The following LRMDA variants were observed in gnomAD, a reference collection of about 807,000 sequenced individuals.
LRMDA encodes leucine rich melanocyte differentiation associated.
A neutral mutation model predicts 29.8 loss-of-function variants in LRMDA; 18 were observed. The ratio of observed to expected loss-of-function variants is 0.60; its 90% CI spans 0.42 to 0.90. The LOEUF is 0.90. LRMDA is among the 40% of genes least tolerant of loss of function. LRMDA has a pLI of 0.00. For synonymous variants in LRMDA, 125 were observed against 109.4 expected, an observed-to-expected ratio of 1.14 and a Z score of -0.89; for missense variants, 273 against 273.9, an observed-to-expected ratio of 1.00 and a Z score of 0.02.
At chr10:75,969,080 G>A (rs996020069) in intron 2 of LRMDA, among the ~76,000 whole-genome samples, 4 of 152,150 alleles carry the variant, frequency 2.6e-5, no homozygotes, top group African/African-American at 9.7e-5. Context: ...GCCACTGTTG[G>A]CTGTTGCAAG....
intron 2 of LRMDA, among the ~76,000 whole-genome samples, chr10:75,874,621 C>T (rs1293046918): frequency 6.6e-6 from 1 of 152,110 alleles, no homozygotes; most frequent in African/African-American, 2.4e-5. Context: ...TAATAAAAGG[C>T]AGAATTAAGT....
chr10:76,105,858 T>C (rs1849471977), intron 5 of LRMDA, among the ~76,000 whole-genome samples: 1 of 152,230 alleles, frequency 6.6e-6, no homozygotes, highest in Non-Finnish European at 1.5e-5. Context: ...GCAATTCTCC[T>C]GTCTCAGCCT....
chr10:75,441,210 A>T (rs1180930353), intron 2 of LRMDA, among the ~76,000 whole-genome samples: 1 of 152,134 alleles, frequency 6.6e-6, no homozygotes, highest in East Asian at 1.9e-4. Context: ...GTAAATCCAC[A>T]TCCCATGTTC....
At chr10:76,206,146 C>T (rs1182743076) in intron 5 of LRMDA, among the ~76,000 whole-genome samples, 1 of 152,156 alleles carries the variant, frequency 6.6e-6, no homozygotes, top group Non-Finnish European at 1.5e-5. Flanking sequence ...GTTTAACCTC[C>T]AGGAGCTGAA....
chr10:75,916,234 C>T (rs1262073258), intron 2 of LRMDA, among the ~76,000 whole-genome samples: 5 of 151,528 alleles, frequency 3.3e-5, no homozygotes, highest in Non-Finnish European at 5.9e-5. Context: ...CACCATAGCC[C>T]GTGAGCCTTC....
At chr10:76,012,145 A>C (rs935046107) in intron 2 of LRMDA, among the ~76,000 whole-genome samples, 1 of 152,214 alleles carries the variant, frequency 6.6e-6, no homozygotes, top group Non-Finnish European at 1.5e-5. Context: ...GCAGTTAAGT[A>C]AAGTCCTGCT....
At chr10:76,405,681 G>A (rs1261781128) in intron 6 of LRMDA, among the ~76,000 whole-genome samples, 1 of 152,176 alleles carries the variant, frequency 6.6e-6, no homozygotes, top group Non-Finnish European at 1.5e-5. Flanking sequence ...TCTAAATAGG[G>A]AAGAAAGAGC....
At chr10:76,289,929 T>G (rs1274002425) in intron 5 of LRMDA, among the ~76,000 whole-genome samples, 1 of 152,194 alleles carries the variant, frequency 6.6e-6, no homozygotes, top group Non-Finnish European at 1.5e-5. Context: ...CTGTTGATTC[T>G]GAGAGAAGAA....
Position 76,162,419 on chromosome 10 carries a change from A to G in LRMDA, c.516+103636A>G, listed in dbSNP as rs146756072. Among the ~76,000 whole-genome samples, 324 of 152,140 alleles carry G rather than the reference A, an allele frequency of 2.1e-3. 3 individuals are homozygous for G. The highest frequency in any genetic ancestry group is 7.3e-3 in the African/African-American group (301 of 41,412). ...AGTCAATTCTCGCATTGCTACAGAGAAATACTGGAGACTGTCTAATTTACG... is the reference window on the plus strand; with the variant it reads ...AGTCAATTCTCGCATTGCTACAGAGGAATACTGGAGACTGTCTAATTTACG... On this transcript the variant is annotated intron_variant, in intron 5 of 6. Coordinates refer to ENST00000611255, the MANE Select transcript of LRMDA (RefSeq NM_001305581.2).
At chr10:75,576,838 C>A (rs1840511990) in intron 2 of LRMDA, among the ~76,000 whole-genome samples, 1 of 152,094 alleles carries the variant, frequency 6.6e-6, no homozygotes. Flanking sequence ...GGAATAGTAT[C>A]AACATCAACA....
intron 6 of LRMDA, among the ~76,000 whole-genome samples, chr10:76,481,280 G>A (rs1842730850): frequency 1.3e-5 from 2 of 151,882 alleles, no homozygotes; most frequent in Non-Finnish European, 2.9e-5. Context: ...TTAGATTGTA[G>A]CCTTGATATG....
Position 76,321,217 on chromosome 10 carries a change from C to A in LRMDA, c.517-3184C>A, listed in dbSNP as rs1184646494. 2.6e-5 allele frequency among the ~76,000 whole-genome samples: 4 copies of A among 152,278 alleles called. No individual in the cohort carries two copies. The South Asian group carries it at 6.2e-4, about 24-fold the overall frequency. On this transcript the variant is annotated intron_variant, in intron 5 of 6. Transcript: ENST00000611255. ...AGAGTATATATTTTAAGTGAAATTG[C>A]TGCACCAATTTTCAATTTTATTAGA...
intron 5 of LRMDA, among the ~76,000 whole-genome samples, chr10:76,157,821 A>G (rs1850567005): frequency 6.6e-6 from 1 of 152,188 alleles, no homozygotes; most frequent in South Asian, 2.1e-4. Flanking sequence ...TGTGAACATC[A>G]TAGTATATGC....
intron 2 of LRMDA, among the ~76,000 whole-genome samples, chr10:75,446,066 A>G (rs1844391162): frequency 6.6e-6 from 1 of 152,210 alleles, no homozygotes; most frequent in Non-Finnish European, 1.5e-5. Context: ...TGAGGCAGAC[A>G]CCTGGAATAC....
intron 6 of LRMDA, among the ~76,000 whole-genome samples, chr10:76,482,839 C>A (rs1467887144): frequency 6.6e-6 from 1 of 152,082 alleles, no homozygotes; most frequent in Non-Finnish European, 1.5e-5. Context: ...TTGTTCAATA[C>A]CAATTCAGCA....
chr10:76,259,247 G>A (rs1037652427), intron 5 of LRMDA, among the ~76,000 whole-genome samples: 13 of 152,016 alleles, frequency 8.6e-5, no homozygotes, highest in African/African-American at 3.1e-4. Flanking sequence ...ATATTTCTTG[G>A]CCATTCGTAT....
chr10:75,791,407 G>A (rs1173099025), intron 2 of LRMDA, among the ~76,000 whole-genome samples: 1 of 151,912 alleles, frequency 6.6e-6, no homozygotes, highest in Non-Finnish European at 1.5e-5. Flanking sequence ...AACCAAACAA[G>A]GAAATTATCA....
chr10:76,075,635 A>G (rs1442167811), intron 5 of LRMDA, among the ~76,000 whole-genome samples: 1 of 152,220 alleles, frequency 6.6e-6, no homozygotes, highest in Non-Finnish European at 1.5e-5. Flanking sequence ...CCCCACTGCA[A>G]TAGTCAGCTA....
intron 5 of LRMDA, among the ~76,000 whole-genome samples, chr10:76,102,348 C>T (rs561877858): frequency 6.6e-6 from 1 of 152,190 alleles, no homozygotes; most frequent in Middle Eastern, 3.2e-3. Context: ...GTAATAAGCA[C>T]AATACCCTAT....
Sources: allele counts gnomAD v4.1 joint callset (sites outside exome capture counted in the v4.1 genomes callset), GRCh38; gene constraint gnomAD v4.1.1; transcripts MANE v1.5; gene names NCBI Gene and HGNC (gene_info 2026-07-23, HGNC 2026-07-21).